Variants in SLC25A30 observed in about 807,000 individuals in gnomAD.
The protein encoded by SLC25A30 is solute carrier family 25 member 30.
SLC25A30 carries 29 observed loss-of-function variants against 42.7 expected under a neutral mutation model. That is an observed-to-expected ratio of 0.68 (90% CI 0.51 to 0.93). The LOEUF (loss-of-function observed/expected upper bound fraction) is 0.93. Among genes scored for constraint, SLC25A30 ranks in the 40% least tolerant of loss-of-function variants. The pLI is 0.00. For missense variants in SLC25A30, 300 were observed against 359.7 expected, an observed-to-expected ratio of 0.83 and a Z score of 1.34; for synonymous variants, 124 against 131.0, an observed-to-expected ratio of 0.95 and a Z score of 0.37.
chr13:45,428,207 CTTTT>C, the SLC25A30 span, among the ~76,000 whole-genome samples: 13 of 151,536 alleles, frequency 8.6e-5, no homozygotes, highest in African/African-American at 3.1e-4. Context: ...TTCTTTCTTT[CTTTT>C]TTTATTTTTA....
chr13:45,395,237 C>G lies in SLC25A30; in HGVS notation c.*737G>C, dbSNP rs1333200610. The stretch of plus-strand genomic sequence containing the variant: ...TCATAAAGCTAATTACTAACATGAC[C>G]TAAGACAGAACCTAAGCTGCTTGAA... On this transcript the variant is annotated 3_prime_UTR_variant, in exon 10 of 10. Transcript: ENST00000519676. 6.1e-6 allele frequency: 6 copies of G among 985,478 alleles called. No individual in the cohort carries two copies. In the East Asian group the frequency reaches 5.7e-4, roughly 93 times the overall value. 61.0% of individuals were successfully genotyped at this position (985,478 alleles called of 1,614,324 possible). A position where few individuals can be genotyped will look rare whatever the true frequency, so the allele number is the denominator to read the frequency against.
In SLC25A30 at chr13:45,401,078, C is replaced by T; in HGVS notation, c.614+5G>A. 1 of 1,594,992 alleles carries T rather than the reference C, an allele frequency of 6.3e-7. No homozygotes were observed. The highest frequency in any genetic ancestry group is 8.5e-7 in the Non-Finnish European group (1 of 1,170,748). The stretch of plus-strand genomic sequence containing the variant: ...ATAATTTTTTAAAAAAAGCCATGAA[C>T]ATACAGGAAGTGGGTATACACAGTG... On this transcript the variant is annotated splice_donor_5th_base_variant and intron_variant, in intron 7 of 9. Coordinates refer to ENST00000519676, the MANE Select transcript of SLC25A30 (RefSeq NM_001010875.4).
At chr13:45,424,436 T>TAA in the SLC25A30 span, among the ~76,000 whole-genome samples, 48 of 58,796 alleles carry the variant, frequency 8.2e-4, 1 homozygote, top group African/African-American at 2.5e-3. Context: ...AATATATATA[T>TAA]AAATATATAA....
chr13:45,409,794 G>A (rs995046429), intron 2 of SLC25A30, among the ~76,000 whole-genome samples: 1 of 152,192 alleles, frequency 6.6e-6, no homozygotes, highest in African/African-American at 2.4e-5. Flanking sequence ...GGGTGACAGA[G>A]TGAGACTCTG....
intron 1 of SLC25A30, chr13:45,411,973 A>C (rs1883069017): frequency 1.0e-5 from 1 of 99,910 alleles, no homozygotes; most frequent in Admixed American, 1.7e-4. Flanking sequence ...AGTATTTGCT[A>C]TTCGTTCACT....
chr13:45,424,904 A>G, the SLC25A30 span, among the ~76,000 whole-genome samples: 1 of 64,858 alleles, frequency 1.5e-5, no homozygotes, highest in Non-Finnish European at 2.6e-5. Flanking sequence ...AAATATATAT[A>G]AATATATATA....
chr13:45,397,041 T>A (rs551678734), intron 9 of SLC25A30: 1 of 523,404 alleles, frequency 1.9e-6, no homozygotes, highest in South Asian at 2.4e-5. Context: ...GTAGTATCAC[T>A]ACTTTTGAAT....
intron 1 of SLC25A30, among the ~76,000 whole-genome samples, chr13:45,412,365 A>G (rs953913808): frequency 2.0e-5 from 3 of 152,128 alleles, no homozygotes; most frequent in African/African-American, 4.8e-5. Flanking sequence ...AAGTGCTGGG[A>G]AAAGAGGTGA....
chr13:45,400,014 T>TTATATATATATATATATATATATA (rs1322955547), intron 7 of SLC25A30, among the ~76,000 whole-genome samples: 7 of 88,738 alleles, frequency 7.9e-5, no homozygotes, highest in Non-Finnish European at 1.6e-4. Context: ...TTATGTATGA[T>TTATATATATATATATATATATATA]TATATATATA....
chr13:45,416,500 C>T (rs941511093), intron 1 of SLC25A30, among the ~76,000 whole-genome samples: 2 of 152,022 alleles, frequency 1.3e-5, no homozygotes, highest in African/African-American at 4.8e-5. Flanking sequence ...GGGCTAGTCA[C>T]ACATACCTGT....
chr13:45,402,444 A>T, intron 5 of SLC25A30, 74 bp from the exon 6 acceptor site: 3 of 1,187,700 alleles, frequency 2.5e-6, no homozygotes, highest in Non-Finnish European at 3.8e-6. Flanking sequence ...TATACCTCTG[A>T]CAGTCAGTCC....
rs78720924 is a variant in SLC25A30 at position 45,405,260 on chromosome 13, A to G, written c.307+623T>C. ...TTTATGTATAAATTCAGACCATCAT[A>G]ATTAAGATGAGCTATATCTGTTAGG... is the stretch of plus-strand genomic sequence containing the variant. On this transcript the variant is annotated intron_variant, in intron 4 of 9. Coordinates refer to ENST00000519676, the MANE Select transcript of SLC25A30 (RefSeq NM_001010875.4). Among the ~76,000 whole-genome samples the G allele has an allele frequency of 1.5e-3, 226 of 152,330 alleles. 4 individuals are homozygous for G. In the East Asian group the frequency reaches 0.04, roughly 27 times the overall value.
upstream of SLC25A30, among the ~76,000 whole-genome samples, chr13:45,423,403 T>G (rs1209318011): frequency 6.7e-6 from 1 of 149,912 alleles, no homozygotes; most frequent in African/African-American, 2.5e-5. Context: ...TGCATTTACT[T>G]ATTTTGGTAT....
intron 3 of SLC25A30, among the ~76,000 whole-genome samples, chr13:45,406,250 T>C (rs1427217643): frequency 6.6e-6 from 1 of 152,142 alleles, no homozygotes; most frequent in Non-Finnish European, 1.5e-5. Context: ...ACCTGGCTAA[T>C]TTTTGTATTT....
chr13:45,402,375 A>T lies in SLC25A30; in HGVS notation c.394-5T>A. On this transcript the variant is annotated splice_polypyrimidine_tract_variant and splice_region_variant and intron_variant, in intron 5 of 9. Transcript: ENST00000519676. ...GCTTTGCGCTTGCATCCGAATCTAG[A>T]GATTATTTTAAAGACCAACATCAGA... is the stretch of plus-strand genomic sequence containing the variant. 1 of 1,612,422 alleles carries T rather than the reference A, an allele frequency of 6.2e-7. No individual in the cohort carries two copies. The highest frequency in any genetic ancestry group is 8.5e-7 in the Non-Finnish European group (1 of 1,178,548).
chr13:45,421,294 G>T (rs149946796), upstream of SLC25A30, among the ~76,000 whole-genome samples: 109 of 147,830 alleles, frequency 7.4e-4, 1 homozygote, highest in African/African-American at 2.5e-3. Flanking sequence ...CAGGAGAATT[G>T]CTGGAACCTG....
rs1047726258 is a variant in SLC25A30, at chr13:45,415,534, T to A, written c.-56+2766A>T. On this transcript the variant is annotated intron_variant, in intron 1 of 9. Coordinates refer to ENST00000519676, the MANE Select transcript of SLC25A30 (RefSeq NM_001010875.4). ...GGAAGGTGGAGGAGGGTGGATCACT[T>A]GAGGTCAGGAGTTCGAGACCAGCCA... Among the ~76,000 whole-genome samples the A allele has an allele frequency of 3.9e-5, 6 of 152,120 alleles. No homozygotes were observed. In the East Asian group the frequency reaches 1.2e-3, roughly 30 times the overall value.
chr13:45,409,305 C>T (rs1456710647), intron 2 of SLC25A30, among the ~76,000 whole-genome samples: 4 of 151,806 alleles, frequency 2.6e-5, no homozygotes, highest in African/African-American at 9.7e-5. Context: ...TTATTTATAC[C>T]TCATCTTATT....
At chr13:45,400,454 C>A (rs1429925436) in intron 7 of SLC25A30, among the ~76,000 whole-genome samples, 3 of 152,108 alleles carry the variant, frequency 2.0e-5, no homozygotes, top group Non-Finnish European at 4.4e-5. Context: ...TAAGTACTGA[C>A]ACGAAGTCTG....
Sources: allele counts gnomAD v4.1 joint callset (sites outside exome capture counted in the v4.1 genomes callset), GRCh38; gene constraint gnomAD v4.1.1; transcripts MANE v1.5; gene names NCBI Gene and HGNC (gene_info 2026-07-23, HGNC 2026-07-21).